The following NUP205 variants were observed in gnomAD, a reference collection of about 807,000 sequenced individuals.
NUP205 encodes nuclear pore complex protein Nup205.
In NUP205, 76 loss-of-function variants were observed where a neutral mutation model predicts 253.8. That is an observed-to-expected ratio of 0.30 (90% CI 0.25 to 0.36). The LOEUF (loss-of-function observed/expected upper bound fraction) is 0.36, where lower values mean the gene tolerates loss of function less well. Among genes scored for constraint, NUP205 ranks in the 10% least tolerant of loss-of-function variants. The pLI, the probability that NUP205 is intolerant of heterozygous loss-of-function variation, is 1.00. For synonymous variants in NUP205, 832 were observed against 850.1 expected (o/e 0.98, Z 0.37); for missense variants, 2,162 against 2,425.5 (o/e 0.89, Z 2.28).
rs537648311 is a variant in NUP205 at position 135,577,718 on chromosome 7, A to G, written c.649-78A>G. On this transcript the variant is annotated intron_variant, in intron 5 of 42. Transcript: ENST00000285968. ...ATAGGTTTTTTTATTAGCCTTTGTA[A>G]AAGGTAGTTTGTACTTTGGAATAAG... is the stretch of plus-strand genomic sequence containing the variant. 2.3e-5 allele frequency: 24 copies of G among 1,054,660 alleles called. No individual in the cohort carries two copies. In the East Asian group the frequency reaches 5.3e-4, roughly 23 times the overall value. 65.3% of individuals were successfully genotyped at this position (1,054,660 alleles called of 1,614,324 possible). A position where few individuals can be genotyped will look rare whatever the true frequency, so the allele number is the denominator to read the frequency against.
intron 1 of NUP205, among the ~76,000 whole-genome samples, chr7:135,563,848 G>A (rs1805664982): frequency 3.3e-5 from 5 of 151,982 alleles, no homozygotes; most frequent in Admixed American, 3.3e-4. Context: ...AGCCAGGTCT[G>A]GTGGTGCGCG....
chr7:135,585,701 G>A (rs1221998803), intron 8 of NUP205, among the ~76,000 whole-genome samples: 3 of 151,966 alleles, frequency 2.0e-5, no homozygotes, highest in East Asian at 1.9e-4. Flanking sequence ...ACAGGCGCCC[G>A]CCACCACACC....
At chr7:135,629,285 C>G (rs1242829601) in intron 34 of NUP205, among the ~76,000 whole-genome samples, 1 of 152,108 alleles carries the variant, frequency 6.6e-6, no homozygotes, top group African/African-American at 2.4e-5. Context: ...TTATAAAATG[C>G]CAAAGTGGAA....
rs141765692 is a variant in NUP205, at chr7:135,571,306, G to C, written c.171+59G>C. 18,230 of 1,121,498 alleles carry C rather than the reference G, an allele frequency of 0.016. 302 individuals are homozygous for C. Among genetic ancestry groups the C allele is most frequent in the South Asian group, 0.063 (2,310 of 36,404 alleles). 69.5% of individuals were successfully genotyped at this position (1,121,498 alleles called of 1,614,324 possible). ...TTTTTTTTTTTTAAGATCGAGGAAG[G>C]AAGTAAACTCTTTTCTTTTTTTTTT... On this transcript the variant is annotated intron_variant, in intron 2 of 42. Transcript: ENST00000285968.
intron 3 of NUP205, among the ~76,000 whole-genome samples, chr7:135,575,905 A>G (rs1584643152): frequency 1.3e-5 from 2 of 152,250 alleles, no homozygotes; most frequent in African/African-American, 4.8e-5. Flanking sequence ...GAAATATTTG[A>G]AAGATTCCAT....
chr7:135,625,022 A>G (rs976127605), intron 31 of NUP205, 142 bp from the exon 32 acceptor site: 1 of 710,726 alleles, frequency 1.4e-6, no homozygotes, highest in Non-Finnish European at 2.3e-6. Context: ...AAAAAAAATA[A>G]AAAGGAAATT....
intron 38 of NUP205, among the ~76,000 whole-genome samples, chr7:135,640,385 G>A (rs1794897076): frequency 6.6e-6 from 1 of 152,074 alleles, no homozygotes. Flanking sequence ...CCCATTTTAG[G>A]TATACAGTTT....
intron 1 of NUP205, among the ~76,000 whole-genome samples, chr7:135,558,429 A>G (rs938413554): frequency 6.6e-6 from 1 of 152,142 alleles, no homozygotes; most frequent in Admixed American, 6.6e-5. Flanking sequence ...AATACTCCCT[A>G]TTATGAAGTC....
chr7:135,594,255 A>G (rs1016178482), intron 12 of NUP205, among the ~76,000 whole-genome samples: 3 of 152,156 alleles, frequency 2.0e-5, no homozygotes, highest in African/African-American at 7.2e-5. Context: ...CCTAGGTAAG[A>G]TTTATCCAAC....
At chr7:135,615,395 A>G (rs1454368378) in intron 23 of NUP205, among the ~76,000 whole-genome samples, 5 of 152,182 alleles carry the variant, frequency 3.3e-5, no homozygotes, top group Admixed American at 3.3e-4. Context: ...CCCTGTCTCT[A>G]CAATAAAAAA....
chr7:135,645,337 C>T (rs1488225389), intron 40 of NUP205, 131 bp from the exon 41 acceptor site: 1 of 967,178 alleles, frequency 1.0e-6, no homozygotes, highest in Admixed American at 2.3e-5. Flanking sequence ...CAGTGAGACC[C>T]TGTCTGTTAG....
At chr7:135,617,728 A>C in intron 27 of NUP205, 46 bp downstream of exon 27, 1 of 1,263,832 alleles carries the variant, frequency 7.9e-7, no homozygotes, top group Non-Finnish European at 1.1e-6. Flanking sequence ...CTAACTACTT[A>C]GGTTGCTGGT....
intron 27 of NUP205, among the ~76,000 whole-genome samples, chr7:135,618,038 G>A (rs368382890): frequency 2.0e-5 from 3 of 151,608 alleles, no homozygotes; most frequent in African/African-American, 4.9e-5. Context: ...AGATACAGCC[G>A]GCCAGGCCAA....
chr7:135,604,610 A>C, intron 19 of NUP205, 150 bp downstream of exon 19: 1 of 702,744 alleles, frequency 1.4e-6, no homozygotes, highest in South Asian at 2.0e-5. Context: ...GTGAAAACCT[A>C]CCCACGAACT....
intron 36 of NUP205, among the ~76,000 whole-genome samples, chr7:135,636,634 A>G (rs1301310910): frequency 6.6e-6 from 1 of 152,222 alleles, no homozygotes; most frequent in Non-Finnish European, 1.5e-5. Context: ...ACACACATTT[A>G]TAAATGTTAA....
chr7:135,616,736 T>C lies in NUP205; in HGVS notation c.3532+10T>C. 6.8e-7 allele frequency: 1 copy of C among 1,473,772 alleles called. No individual in the cohort carries two copies. Among genetic ancestry groups the C allele is most frequent in the Non-Finnish European group, 9.1e-7 (1 of 1,102,506 alleles). The allele number at this position is 1,473,772 out of a possible 1,614,324, so 91.3% of individuals were successfully genotyped here. A position where few individuals can be genotyped will look rare whatever the true frequency, so the allele number is the denominator to read the frequency against. On this transcript the variant is annotated intron_variant, in intron 25 of 42. Transcript: ENST00000285968. ...GACACTGCTACAAAAGGTAATGCCC[T>C]TTGAATTTGTAATAAATTTATTTTA...
At chr7:135,603,763 G>C (rs1341826455) in intron 18 of NUP205, among the ~76,000 whole-genome samples, 2 of 152,094 alleles carry the variant, frequency 1.3e-5, no homozygotes, top group African/African-American at 4.8e-5. Flanking sequence ...GCCCAGCTCA[G>C]CCTCCCAAAG....
intron 7 of NUP205, 57 bp from the exon 8 acceptor site, chr7:135,584,775 T>A: frequency 6.9e-7 from 1 of 1,458,900 alleles, no homozygotes; most frequent in Non-Finnish European, 9.6e-7. Flanking sequence ...GAGATATAAT[T>A]ACAATCTGGG....
In NUP205 at chr7:135,586,010, A is replaced by C. The variant is rs186274555; in HGVS notation, c.1218+1003A>C. Among the ~76,000 whole-genome samples, 36 of 152,276 alleles carry C rather than the reference A, an allele frequency of 2.4e-4. No individual in the cohort carries two copies. In the East Asian group the frequency reaches 6.7e-3, roughly 29 times the overall value. ...AGAGCTATTTCAAACAGTTCCTTAT[A>C]GTATATGCTCTGTGTGCTGTTTTGT... On this transcript the variant is annotated intron_variant, in intron 8 of 42. Transcript: ENST00000285968.
Sources: gnomAD v4.1 joint callset for allele counts (sites outside exome capture counted in the v4.1 genomes callset) on GRCh38, gnomAD v4.1.1 for gene constraint, MANE v1.5 for transcripts, NCBI Gene and HGNC (gene_info 2026-07-23, HGNC 2026-07-21) for gene names.